The following SRGAP3 variants were observed in gnomAD, a reference collection of about 807,000 sequenced individuals.
SRGAP3 encodes SLIT-ROBO Rho GTPase-activating protein 3.
SRGAP3 carries 39 observed loss-of-function variants against 121.1 expected under a neutral mutation model. That is an observed-to-expected ratio of 0.32 (90% CI 0.25 to 0.42). SRGAP3 has a LOEUF of 0.42. SRGAP3 is among the 10% of genes least tolerant of loss of function. SRGAP3 has a pLI of 1.00. For missense variants in SRGAP3, 1,213 were observed against 1,470.6 expected, an observed-to-expected ratio of 0.82 and a Z score of 2.86; for synonymous variants, 601 against 570.0, an observed-to-expected ratio of 1.05 and a Z score of -0.77.
chr3:9,040,267 A>G (rs1301589341), intron 10 of SRGAP3, among the ~76,000 whole-genome samples: 7 of 152,198 alleles, frequency 4.6e-5, no homozygotes, highest in Non-Finnish European at 1.0e-4. Context: ...TCATCGCACA[A>G]GGGACAAAAT....
intron 1 of SRGAP3, among the ~76,000 whole-genome samples, chr3:9,171,085 C>T (rs770078762): frequency 1.6e-4 from 24 of 152,328 alleles, no homozygotes; most frequent in Non-Finnish European, 3.1e-4. Context: ...GGCCCCACAA[C>T]AGAATATTGT....
intron 1 of SRGAP3, among the ~76,000 whole-genome samples, chr3:9,179,487 T>C (rs993149944): frequency 1.3e-4 from 20 of 152,258 alleles, no homozygotes; most frequent in Admixed American, 7.8e-4. Context: ...ATGTTAGTTA[T>C]TGATGCTGCT....
chr3:9,314,634 C>A (rs1443434867), intron 3 of SRGAP3, among the ~76,000 whole-genome samples: 1 of 152,034 alleles, frequency 6.6e-6, no homozygotes, highest in Non-Finnish European at 1.5e-5. Flanking sequence ...TGTGTCCAGC[C>A]TGCCCTCCTC....
At chr3:9,041,864 G>T (rs1945027213) in intron 10 of SRGAP3, among the ~76,000 whole-genome samples, 1 of 152,182 alleles carries the variant, frequency 6.6e-6, no homozygotes, top group Non-Finnish European at 1.5e-5. Flanking sequence ...ACTTTCGGAG[G>T]CCGACGTGGG....
intron 14 of SRGAP3, among the ~76,000 whole-genome samples, chr3:9,020,272 T>C (rs73142179): frequency 0.025 from 3,776 of 152,258 alleles, 161 homozygotes; most frequent in African/African-American, 0.084. Context: ...TTACCTACTT[T>C]CCTTCCTTCC....
intron 1 of SRGAP3, among the ~76,000 whole-genome samples, chr3:9,342,658 C>T (rs1352384378): frequency 6.6e-6 from 1 of 152,218 alleles, no homozygotes; most frequent in African/African-American, 2.4e-5. Context: ...GAAAACACAT[C>T]AACATGTGCC....
chr3:9,348,866 A>G, intron 1 of SRGAP3: 2 of 1,243,234 alleles, frequency 1.6e-6, no homozygotes, highest in East Asian at 4.6e-5. Flanking sequence ...CAGGTTTGCA[A>G]ACCTCACTGA....
At chr3:9,045,414 T>G (rs1945216224) in intron 10 of SRGAP3, among the ~76,000 whole-genome samples, 1 of 152,056 alleles carries the variant, frequency 6.6e-6, no homozygotes, top group Non-Finnish European at 1.5e-5. Context: ...GAAGAGAGAC[T>G]GGTAGAGCAA....
chr3:9,060,304 T>A lies in SRGAP3; in HGVS notation c.728A>T (p.Tyr243Phe), dbSNP rs1449155650. The A allele has an allele frequency of 6.2e-7, 1 of 1,614,106 alleles. No homozygotes were observed. Among genetic ancestry groups the A allele is most frequent in the Non-Finnish European group, 8.5e-7 (1 of 1,180,044 alleles). ...KLKCTKARND[Y>F]LLNLAATNAA... is the part of the protein sequence containing the mutation. ...GTTGGTGGCTGCCAGATTGAGCAAG[T>A]AGTCATTCCGGGCCTTTGTGCATTT... The change falls in exon 6 of 22, where the codon TAC becomes TTC. Residue 243 changes from tyrosine to phenylalanine, a missense_variant. By Grantham distance (22) the Tyr-to-Phe change is conservative (BLOSUM62 3). Coordinates refer to ENST00000383836, the MANE Select transcript of SRGAP3 (RefSeq NM_014850.4).
intron 4 of SRGAP3, among the ~76,000 whole-genome samples, chr3:9,069,492 C>T (rs1946584377): frequency 6.6e-6 from 1 of 152,136 alleles, no homozygotes; most frequent in South Asian, 2.1e-4. Context: ...ACTTTCCAGC[C>T]CTCCAGACTC....
chr3:9,082,254 G>A (rs1682102946), intron 3 of SRGAP3, among the ~76,000 whole-genome samples: 1 of 152,186 alleles, frequency 6.6e-6, no homozygotes, highest in African/African-American at 2.4e-5. Flanking sequence ...TATGCTTCCT[G>A]TACAGCCTGC....
chr3:9,211,070 A>T (rs1952431100), intron 1 of SRGAP3, among the ~76,000 whole-genome samples: 1 of 152,210 alleles, frequency 6.6e-6, no homozygotes, highest in African/African-American at 2.4e-5. Flanking sequence ...GTTCCCTTCC[A>T]GTAGGTCTGA....
At chr3:9,318,251 G>C (rs892351732) in intron 3 of SRGAP3, among the ~76,000 whole-genome samples, 1 of 149,464 alleles carries the variant, frequency 6.7e-6, no homozygotes, top group African/African-American at 2.4e-5. Flanking sequence ...CATCACCACC[G>C]ACATGTCCCT....
intron 3 of SRGAP3, among the ~76,000 whole-genome samples, chr3:9,295,648 T>C (rs56069706): frequency 6.8e-4 from 35 of 51,562 alleles, no homozygotes; most frequent in Non-Finnish European, 1.4e-3. Flanking sequence ...ACACATAACA[T>C]AAATTTTACC....
At chr3:9,314,026 G>GT (rs1313263541) in intron 3 of SRGAP3, among the ~76,000 whole-genome samples, 4 of 152,206 alleles carry the variant, frequency 2.6e-5, no homozygotes, top group African/African-American at 7.2e-5. Flanking sequence ...AATTTATTTT[G>GT]TTTTTTGTAT....
intron 1 of SRGAP3, among the ~76,000 whole-genome samples, chr3:9,231,246 G>C (rs1416192965): frequency 6.6e-6 from 1 of 152,120 alleles, no homozygotes; most frequent in Non-Finnish European, 1.5e-5. Flanking sequence ...TGGTGATCTG[G>C]GGGGGCATTC....
chr3:9,039,635 T>C (rs1183604), intron 10 of SRGAP3, among the ~76,000 whole-genome samples: 50,681 of 152,076 alleles, frequency 0.33, 8,596 homozygotes, highest in East Asian at 0.5. Context: ...CCACTAATAG[T>C]CACTCCCTGT....
chr3:9,112,690 T>TGA (rs1324569610), intron 2 of SRGAP3, among the ~76,000 whole-genome samples: 2 of 152,190 alleles, frequency 1.3e-5, no homozygotes, highest in Non-Finnish European at 2.9e-5. Context: ...AGACCTGAGC[T>TGA]GAGCTATTTC....
At chr3:9,066,925 C>T (rs947364946) in intron 4 of SRGAP3, among the ~76,000 whole-genome samples, 1 of 152,222 alleles carries the variant, frequency 6.6e-6, no homozygotes, top group Non-Finnish European at 1.5e-5. Flanking sequence ...GGACAAGTGT[C>T]TGGGCTGAAT....
Sources: allele counts gnomAD v4.1 joint callset (sites outside exome capture counted in the v4.1 genomes callset), GRCh38; gene constraint gnomAD v4.1.1; transcripts MANE v1.5; gene names NCBI Gene and HGNC (gene_info 2026-07-23, HGNC 2026-07-21).